The following ELMOD1 variants were observed in gnomAD, a reference collection of about 807,000 sequenced individuals.
The protein encoded by ELMOD1 is ELMO domain containing 1, also known as ELMO domain-containing protein 1.
In ELMOD1, 21 loss-of-function variants were observed where a neutral mutation model predicts 46.7. The observed-to-expected ratio is 0.45, with a 90% CI of 0.32 to 0.65. The LOEUF is 0.65. Among genes scored for constraint, ELMOD1 ranks in the 30% least tolerant of loss-of-function variants. The pLI is 0.04. For missense variants in ELMOD1, 348 were observed against 407.8 expected (o/e 0.85, Z 1.26); for synonymous variants, 122 against 138.2 (o/e 0.88, Z 0.82).
chr11:107,644,920 GTT>G (rs1565385773), intron 6 of ELMOD1, among the ~76,000 whole-genome samples: 7 of 103,726 alleles, frequency 6.7e-5, no homozygotes, highest in African/African-American at 2.9e-4. Flanking sequence ...TTTTGTTTTT[GTT>G]TTTGTTTTTG....
chr11:107,617,845 A>G (rs1018076260), intron 1 of ELMOD1, among the ~76,000 whole-genome samples: 1 of 152,220 alleles, frequency 6.6e-6, no homozygotes, highest in Non-Finnish European at 1.5e-5. Context: ...AAAATAAAGG[A>G]AAAGACTGAT....
chr11:107,644,094 G>A (rs1051468904), intron 6 of ELMOD1, among the ~76,000 whole-genome samples: 4 of 151,940 alleles, frequency 2.6e-5, no homozygotes, highest in Non-Finnish European at 4.4e-5. Context: ...CCAACATGGC[G>A]AAACCCTGTC....
At chr11:107,602,469 CT>C (rs1203782025) in intron 1 of ELMOD1, among the ~76,000 whole-genome samples, 4 of 152,058 alleles carry the variant, frequency 2.6e-5, no homozygotes, top group African/African-American at 9.7e-5. Context: ...GATGTTGAAC[CT>C]TTTTCTCACC....
intron 2 of ELMOD1, among the ~76,000 whole-genome samples, chr11:107,629,242 C>CT (rs1866095981): frequency 6.6e-6 from 1 of 152,116 alleles, no homozygotes; most frequent in Non-Finnish European, 1.5e-5. Flanking sequence ...GGTTTTGATT[C>CT]TTTTTCAGGG....
At chr11:107,607,392 A>G (rs912892935) in intron 1 of ELMOD1, among the ~76,000 whole-genome samples, 1 of 152,214 alleles carries the variant, frequency 6.6e-6, no homozygotes, top group Non-Finnish European at 1.5e-5. Context: ...GCAGTGGCTC[A>G]TGCCTGTAAT....
intron 6 of ELMOD1, among the ~76,000 whole-genome samples, chr11:107,647,138 A>G (rs1866444400): frequency 6.6e-6 from 1 of 152,184 alleles, no homozygotes; most frequent in Non-Finnish European, 1.5e-5. Context: ...CTCATGAGAC[A>G]ATGAGAGCGA....
intron 1 of ELMOD1, among the ~76,000 whole-genome samples, chr11:107,604,118 G>A (rs551517005): frequency 9.9e-5 from 15 of 152,126 alleles, no homozygotes; most frequent in Non-Finnish European, 1.6e-4. Context: ...CCTTTGTGTC[G>A]AGGTAAGAAG....
chr11:107,610,160 G>A (rs1042013004), intron 1 of ELMOD1, among the ~76,000 whole-genome samples: 2 of 152,154 alleles, frequency 1.3e-5, no homozygotes, highest in African/African-American at 2.4e-5. Flanking sequence ...CAATATTAGC[G>A]ATTTATTAGT....
At chr11:107,630,666 CTT>C (rs1170229287) in intron 3 of ELMOD1, 32 bp from the exon 4 acceptor site, 1 of 1,606,036 alleles carries the variant, frequency 6.2e-7, no homozygotes, top group African/African-American at 1.3e-5. Flanking sequence ...AAAGGATAAT[CTT>C]TGAATGACTG....
intron 6 of ELMOD1, chr11:107,643,549 T>A (rs902646841): frequency 3.9e-6 from 2 of 509,578 alleles, no homozygotes; most frequent in African/African-American, 3.9e-5. Context: ...CTCTTGGAGT[T>A]TTATGAGCCA....
intron 2 of ELMOD1, among the ~76,000 whole-genome samples, chr11:107,629,971 A>G (rs1469771999): frequency 6.6e-6 from 1 of 152,132 alleles, no homozygotes; most frequent in African/African-American, 2.4e-5. Flanking sequence ...GAGGGTGAGG[A>G]GGACACTAGG....
At chr11:107,665,000 C>A in intron 11 of ELMOD1, 25 bp from the exon 12 acceptor site, 1 of 1,584,094 alleles carries the variant, frequency 6.3e-7, no homozygotes, top group Non-Finnish European at 8.6e-7. Context: ...CTCCTGCATT[C>A]TTATCATTGT....
At chr11:107,616,283 A>G (rs536919355) in intron 1 of ELMOD1, among the ~76,000 whole-genome samples, 5 of 152,064 alleles carry the variant, frequency 3.3e-5, no homozygotes, top group Admixed American at 6.5e-5. Flanking sequence ...GGTGTGAGCC[A>G]CTGTGCCCAG....
At chr11:107,629,149 C>T (rs1231294517) in intron 2 of ELMOD1, among the ~76,000 whole-genome samples, 1 of 152,116 alleles carries the variant, frequency 6.6e-6, no homozygotes, top group Non-Finnish European at 1.5e-5. Flanking sequence ...TTGTGCAAAT[C>T]AGACTGTTCG....
At chr11:107,614,443 A>G (rs1485182150) in intron 1 of ELMOD1, among the ~76,000 whole-genome samples, 1 of 152,084 alleles carries the variant, frequency 6.6e-6, no homozygotes, top group Non-Finnish European at 1.5e-5. Context: ...GGTTCAAGCA[A>G]TTCTCCTGCC....
intron 1 of ELMOD1, among the ~76,000 whole-genome samples, chr11:107,608,892 C>T (rs1461394714): frequency 1.3e-5 from 2 of 152,150 alleles, no homozygotes; most frequent in Non-Finnish European, 2.9e-5. Context: ...AATGAATATA[C>T]TGTGTATTCT....
chr11:107,648,477 C>T (rs1406085426), intron 7 of ELMOD1, among the ~76,000 whole-genome samples: 3 of 152,228 alleles, frequency 2.0e-5, no homozygotes, highest in Admixed American at 6.5e-5. Flanking sequence ...TGTGCTGCAA[C>T]GAATCAGAGG....
At chr11:107,646,647 A>C (rs1866430874) in intron 6 of ELMOD1, among the ~76,000 whole-genome samples, 1 of 152,194 alleles carries the variant, frequency 6.6e-6, no homozygotes, top group African/African-American at 2.4e-5. Context: ...AGGCAGGAGA[A>C]TCACTTGAAC....
chr11:107,657,691 T>C (rs1405208035), intron 11 of ELMOD1, among the ~76,000 whole-genome samples: 5 of 152,246 alleles, frequency 3.3e-5, no homozygotes, highest in African/African-American at 9.6e-5. Flanking sequence ...AACATTTTAC[T>C]TCTCTGTACC....
Sources: allele counts gnomAD v4.1 joint callset (sites outside exome capture counted in the v4.1 genomes callset), GRCh38; gene constraint gnomAD v4.1.1; transcripts MANE v1.5; gene names NCBI Gene and HGNC (gene_info 2026-07-23, HGNC 2026-07-21).